PEPD: variants seen among roughly 807,000 people sequenced by gnomAD.
PEPD encodes the protein xaa-Pro dipeptidase.
Under a neutral mutation model 60.7 loss-of-function variants are expected in PEPD, and 53 were observed. That is an observed-to-expected ratio of 0.87 (90% CI 0.70 to 1.10). The LOEUF (loss-of-function observed/expected upper bound fraction) is 1.10, where lower values mean the gene tolerates loss of function less well. Ranked by LOEUF, PEPD falls within the 50% of genes least tolerant of loss-of-function variation. PEPD has a pLI of 0.00. For missense variants in PEPD, 711 were observed against 711.9 expected (o/e 1.00, Z 0.01); for synonymous variants, 267 against 284.1 (o/e 0.94, Z 0.60).
chr19:33,447,982 C>T (rs1182930760), intron 9 of PEPD, among the ~76,000 whole-genome samples: 1 of 152,182 alleles, frequency 6.6e-6, no homozygotes, highest in African/African-American at 2.4e-5. Context: ...GGGGAGGAGC[C>T]TCAACTTTGG....
At chr19:33,443,967 C>T (rs555812046) in intron 9 of PEPD, among the ~76,000 whole-genome samples, 55 of 151,738 alleles carry the variant, frequency 3.6e-4, no homozygotes, top group South Asian at 1.9e-3. Context: ...TACAAGTGCA[C>T]GCGCGTGCGC....
Position 33,462,989 on chromosome 19 carries a change from G to A in PEPD, c.671+6C>T, listed in dbSNP as rs1969956063. On this transcript the variant is annotated splice_donor_region_variant and intron_variant, in intron 9 of 14. Coordinates refer to ENST00000244137, the MANE Select transcript of PEPD (RefSeq NM_000285.4). The stretch of plus-strand genomic sequence containing the variant: ...TAATTTTACCCGGAGAAACATGGTG[G>A]CTTACCTTTCCAACTCATATTCTTT... 3.8e-6 allele frequency: 6 copies of A among 1,575,456 alleles called. No homozygotes were observed. Among genetic ancestry groups the A allele is most frequent in the Non-Finnish European group, 4.4e-6 (5 of 1,144,872 alleles).
chr19:33,510,947 C>A lies in PEPD; in HGVS notation c.329+81G>T, dbSNP rs548446352. 7 of 1,473,792 alleles carry A rather than the reference C, an allele frequency of 4.7e-6. No homozygotes were observed. The South Asian group carries it at 6.0e-5, about 13-fold the overall frequency. The allele number at this position is 1,473,792 out of a possible 1,614,324, so 91.3% of individuals were successfully genotyped here. On this transcript the variant is annotated intron_variant, in intron 3 of 14. Transcript: ENST00000244137. Reference sequence around the variant, plus strand: ...CCTCCTCCCCGTCCCCAGGCCCAACCCAGCTCTCTCATCCCACCTCCCCTA... The same window carrying A: ...CCTCCTCCCCGTCCCCAGGCCCAACACAGCTCTCTCATCCCACCTCCCCTA...
Position 33,512,770 on chromosome 19 carries a change from C to T in PEPD, c.24G>A (p.Ser8=), listed in dbSNP as rs374014841. The T allele has an allele frequency of 6.2e-6, 10 of 1,613,910 alleles. No homozygotes were observed. Among genetic ancestry groups the T allele is most frequent in the African/African-American group, 2.7e-5 (2 of 74,926 alleles). MAAATGP[S]FWLGNETLKV... ...TCAGGGTTTCATTCCCCAGCCAAAA[C>T]GAGGGTCTGCAGAGGCAAGAGCACA... The change falls in exon 2 of 15, where the codon TCG becomes TCA. Residue 8 remains serine (S), a synonymous_variant. Coordinates refer to ENST00000244137, the MANE Select transcript of PEPD (RefSeq NM_000285.4).
intron 6 of PEPD, among the ~76,000 whole-genome samples, chr19:33,488,050 CCA>C: frequency 6.6e-6 from 1 of 152,222 alleles, no homozygotes; most frequent in Non-Finnish European, 1.5e-5. Context: ...ACCACACCCA[CCA>C]CACAGCTGCC....
At chr19:33,468,188 T>C (rs1393041048) in intron 7 of PEPD, among the ~76,000 whole-genome samples, 1 of 151,846 alleles carries the variant, frequency 6.6e-6, no homozygotes, top group African/African-American at 2.4e-5. Flanking sequence ...AGGCAGAGAG[T>C]TCCCGGTGCA....
chr19:33,388,041 C>A lies in PEPD; in HGVS notation c.1193G>T (p.Arg398Leu). The A allele has an allele frequency of 6.4e-7, 1 of 1,557,430 alleles. No individual in the cohort carries two copies. The highest frequency in any genetic ancestry group is 2.4e-5 in the East Asian group (1 of 41,802). ...GCCTGGCTGCAGGTGCCGTGCAGTG[C>A]GCAGGCTCCGCAGGCCGGGCTCGTC... is the stretch of plus-strand genomic sequence containing the variant. ...RIDEPGLRSL[R>L]TARHLQPGMV... Residue 398 changes from arginine (R) to leucine (L), a missense_variant, in exon 14 of 15, where the codon CGC (arginine) becomes CTC (leucine). Transcript: ENST00000244137.
intron 9 of PEPD, among the ~76,000 whole-genome samples, chr19:33,456,721 G>A (rs1457715825): frequency 2.0e-5 from 3 of 152,096 alleles, no homozygotes; most frequent in Admixed American, 6.6e-5. Flanking sequence ...CTTACCTGGG[G>A]GCTCCGGTCT....
In PEPD at chr19:33,499,307, C is replaced by G. The variant is rs577043983; in HGVS notation, c.393+1631G>C. 2.6e-5 allele frequency among the ~76,000 whole-genome samples: 4 copies of G among 152,280 alleles called. No homozygotes were observed. The East Asian group carries it at 7.8e-4, about 30-fold the overall frequency. On this transcript the variant is annotated intron_variant, in intron 4 of 14. Coordinates refer to ENST00000244137, the MANE Select transcript of PEPD (RefSeq NM_000285.4). ...CCACAGTCCAACCAGGCAGAAGATG[C>G]TGTAGAGACAGGCCCCCGTGGCCCT... is the stretch of plus-strand genomic sequence containing the variant.
At chr19:33,394,809 T>C (rs1205514370) in intron 12 of PEPD, among the ~76,000 whole-genome samples, 3 of 152,088 alleles carry the variant, frequency 2.0e-5, no homozygotes, top group Admixed American at 6.5e-5. Flanking sequence ...ACAGCAGAAA[T>C]TGGGCACCAG....
chr19:33,388,146 G>A, intron 13 of PEPD, 65 bp from the exon 14 acceptor site: 1 of 1,361,830 alleles, frequency 7.3e-7, no homozygotes, highest in East Asian at 2.5e-5. Context: ...CTCATCAGGA[G>A]AGATGGGCAT....
At chr19:33,421,051 C>T (rs918924859) in intron 9 of PEPD, among the ~76,000 whole-genome samples, 17 of 152,212 alleles carry the variant, frequency 1.1e-4, no homozygotes, top group Non-Finnish European at 1.6e-4. Flanking sequence ...CACTGCTGGC[C>T]GGTGTTCTAC....
chr19:33,521,622 G>A, intron 1 of PEPD, 122 bp downstream of exon 1: 1 of 1,105,624 alleles, frequency 9.0e-7, no homozygotes, highest in South Asian at 1.3e-5. Context: ...CGGGCCAACG[G>A]GAAGAGGCGC....
chr19:33,505,020 G>C (rs113365230), intron 3 of PEPD, among the ~76,000 whole-genome samples: 1,882 of 152,278 alleles, frequency 0.012, 19 homozygotes, highest in Non-Finnish European at 0.02. Flanking sequence ...GTGACTGCCA[G>C]CAACTGTGGG....
intron 9 of PEPD, among the ~76,000 whole-genome samples, chr19:33,446,163 T>C (rs1969590461): frequency 6.6e-6 from 1 of 152,140 alleles, no homozygotes; most frequent in Non-Finnish European, 1.5e-5. Context: ...CCATTTCTCA[T>C]CTGTTTGATC....
intron 11 of PEPD, among the ~76,000 whole-genome samples, chr19:33,404,584 C>T (rs1278912655): frequency 1.3e-5 from 2 of 152,198 alleles, no homozygotes; most frequent in African/African-American, 4.8e-5. Flanking sequence ...CCCAAACTCC[C>T]GCCAGCAAAG....
chr19:33,443,547 C>T (rs1343100231), intron 9 of PEPD, among the ~76,000 whole-genome samples: 1 of 152,086 alleles, frequency 6.6e-6, no homozygotes, highest in Non-Finnish European at 1.5e-5. Context: ...GTACACAATA[C>T]CATGTGCCAT....
intron 9 of PEPD, among the ~76,000 whole-genome samples, chr19:33,439,104 CATGGAGTCGAGG>C (rs1969435179): frequency 6.6e-6 from 1 of 152,244 alleles, no homozygotes; most frequent in Admixed American, 6.5e-5. Context: ...AAGGACAGGA[CATGGAGTCGAGG>C]TTGGAGGGGC....
intron 6 of PEPD, among the ~76,000 whole-genome samples, chr19:33,481,267 T>C (rs1361563418): frequency 2.0e-5 from 3 of 152,148 alleles, no homozygotes; most frequent in African/African-American, 2.4e-5. Flanking sequence ...TAAATTGATA[T>C]AAGAAATAGA....
Sources: allele counts gnomAD v4.1 joint callset (sites outside exome capture counted in the v4.1 genomes callset), GRCh38; gene constraint gnomAD v4.1.1; transcripts MANE v1.5; gene names NCBI Gene and HGNC (gene_info 2026-07-23, HGNC 2026-07-21).